GSTM5: variants seen among roughly 807,000 people sequenced by gnomAD.
GSTM5 encodes glutathione S-transferase mu 5.
In GSTM5, 24 loss-of-function variants were observed where a neutral mutation model predicts 29.0. The observed-to-expected ratio is 0.83, with a 90% CI of 0.60 to 1.16. The LOEUF (loss-of-function observed/expected upper bound fraction) is 1.16. GSTM5 is among the 50% of genes most tolerant of loss of function. The pLI, the probability that GSTM5 is intolerant of heterozygous loss-of-function variation, is 0.00. For missense variants in GSTM5, 290 were observed against 263.0 expected (o/e 1.10, Z -0.71); for synonymous variants, 91 against 93.6 (o/e 0.97, Z 0.16).
At chr1:109,715,063 G>A (rs770258231) in intron 6 of GSTM5, 21 bp downstream of exon 6, 2 of 1,614,024 alleles carry the variant, frequency 1.2e-6, no homozygotes, top group South Asian at 2.2e-5. Flanking sequence ...AGTGATATGG[G>A]GAATGAGATC....
chr1:109,713,397 G>A, intron 3 of GSTM5, 87 bp from the exon 4 acceptor site: 1 of 1,567,970 alleles, frequency 6.4e-7, no homozygotes, highest in Non-Finnish European at 8.8e-7. Context: ...AGCAGGCCCT[G>A]GTCTCCTCTC....
At position 109,712,633 on chromosome 1, in the gene GSTM5, C is replaced by T. The variant is rs200602485; in HGVS notation, c.52C>T (p.Arg18Cys). Reference sequence around the variant, plus strand: ...TCTCTCCCAGCTGGCCCACGCCATCCGCTTGCTCCTGGAATACACAGACTC... The same window carrying T: ...TCTCTCCCAGCTGGCCCACGCCATCTGCTTGCTCCTGGAATACACAGACTC... The part of the protein sequence containing the change: ...WDIRGLAHAI[R>C]LLLEYTDSSY... Residue 18 changes from arginine (R) to cysteine (C), a missense_variant, in exon 2 of 8, where the codon CGC becomes TGC. Coordinates refer to ENST00000256593, the MANE Select transcript of GSTM5 (RefSeq NM_000851.4). 2.0e-5 allele frequency: 33 copies of T among 1,614,044 alleles called. No individual in the cohort carries two copies. In the African/African-American group the frequency reaches 2.9e-4, roughly 14 times the overall value.
chr1:109,713,425 A>G (rs949494085), intron 3 of GSTM5, 59 bp from the exon 4 acceptor site: 2 of 1,610,006 alleles, frequency 1.2e-6, no homozygotes, highest in African/African-American at 2.7e-5. Context: ...GCATATGGGA[A>G]GGGGATGCTG....
At chr1:109,713,861 C>T (rs1382112881) in intron 5 of GSTM5, 100 bp downstream of exon 5, 3 of 772,444 alleles carry the variant, frequency 3.9e-6, no homozygotes, top group Non-Finnish European at 4.5e-6. Flanking sequence ...CTCCGGCCAG[C>T]TGACTGGAGA....
At chr1:109,712,479 T>C in intron 1 of GSTM5, 131 bp downstream of exon 1, 1 of 1,234,602 alleles carries the variant, frequency 8.1e-7, no homozygotes, top group Non-Finnish European at 1.2e-6. Flanking sequence ...CATGACGCTG[T>C]GTGTGTGTTT....
chr1:109,716,068 C>T (rs1199416545), intron 7 of GSTM5: 3 of 446,852 alleles, frequency 6.7e-6, no homozygotes, highest in Non-Finnish European at 1.2e-5. Flanking sequence ...AGTGAGAGGC[C>T]TGCAGGCAGA....
In GSTM5 at chr1:109,712,616, A is replaced by G. The variant is rs113627447; in HGVS notation, c.37-2A>G. Reference sequence around the variant, plus strand: ...ACCCGAGCCGCGGGCCATCTCTCCCAGCTGGCCCACGCCATCCGCTTGCTC... The same window carrying G: ...ACCCGAGCCGCGGGCCATCTCTCCCGGCTGGCCCACGCCATCCGCTTGCTC... On this transcript the variant is annotated splice_acceptor_variant, in intron 1 of 7. Transcript: ENST00000256593. LOFTEE classifies it high-confidence loss of function. 4.3e-6 allele frequency: 7 copies of G among 1,613,622 alleles called. No homozygotes were observed. In the African/African-American group the frequency reaches 8.0e-5, roughly 18 times the overall value.
intron 7 of GSTM5, chr1:109,715,835 C>T: frequency 2.2e-6 from 1 of 460,822 alleles, no homozygotes; most frequent in South Asian, 1.7e-5. Context: ...TATGTGGGTG[C>T]CCCTGTTGAA....
In GSTM5 at chr1:109,717,382, C is replaced by T. The variant is rs181150599; in HGVS notation, c.613C>T (p.Arg205Ter). The T allele has an allele frequency of 1.5e-4, 250 of 1,613,986 alleles. No homozygotes were observed. Among genetic ancestry groups the T allele is most frequent in the Middle Eastern group, 1.5e-3 (9 of 6,062 alleles). The change falls in exon 8 of 8, where the codon CGA (arginine) becomes TGA (stop). Residue 205 changes from arginine to a stop codon, truncating the protein, a stop_gained. Transcript: ENST00000256593. LOFTEE classifies it low-confidence loss of function (END_TRUNC). Reference sequence around the variant, plus strand: ...CTACATGAAGTCCAGCCAATTCCTCCGAGGTCTTTTGTTTGGAAAGTCAGC... The same window carrying T: ...CTACATGAAGTCCAGCCAATTCCTCTGAGGTCTTTTGTTTGGAAAGTCAGC... The part of the protein sequence containing the change: ...SAYMKSSQFL[R>*]GLLFGKSATW...
Position 109,715,507 on chromosome 1 carries a change from C to T in GSTM5, c.567+267C>T, listed in dbSNP as rs559531415. On this transcript the variant is annotated intron_variant, in intron 7 of 7. Coordinates refer to ENST00000256593, the MANE Select transcript of GSTM5 (RefSeq NM_000851.4). ...AGTCCTTTGCTCAGGGTCCCAGAGCCAGTGGAGGCTGTGCTGGGCTCCCTG... is the reference window on the plus strand; with the variant it reads ...AGTCCTTTGCTCAGGGTCCCAGAGCTAGTGGAGGCTGTGCTGGGCTCCCTG... 147 of 1,466,032 alleles carry T rather than the reference C, an allele frequency of 1.0e-4. No homozygotes were observed. In the African/African-American group the frequency reaches 1.9e-3, roughly 19 times the overall value. The allele number at this position is 1,466,032 out of a possible 1,614,324, so 90.8% of individuals were successfully genotyped here.
At chr1:109,717,246 GC>G in intron 7 of GSTM5, 90 bp from the exon 8 acceptor site, 1 of 928,068 alleles carries the variant, frequency 1.1e-6, no homozygotes, top group Non-Finnish European at 1.8e-6. Flanking sequence ...AAAGGCTGTG[GC>G]CAGGGCCCTG....
chr1:109,715,772 C>T lies in GSTM5; in HGVS notation c.567+532C>T, dbSNP rs191272658. 5 of 407,506 alleles carry T rather than the reference C, an allele frequency of 1.2e-5. No individual in the cohort carries two copies. In the East Asian group the frequency reaches 1.9e-4, roughly 15 times the overall value. 25.2% of individuals were successfully genotyped at this position (407,506 alleles called of 1,614,324 possible). A position where few individuals can be genotyped will look rare whatever the true frequency, so the allele number is the denominator to read the frequency against. ...CAGAAGCTTTGCATGATCGGACCCC[C>T]ATGTGGAAAATCCTGAGATCCGGAG... On this transcript the variant is annotated intron_variant, in intron 7 of 7. Coordinates refer to ENST00000256593, the MANE Select transcript of GSTM5 (RefSeq NM_000851.4).
chr1:109,712,521 T>C, intron 1 of GSTM5, 97 bp from the exon 2 acceptor site: 1 of 1,437,130 alleles, frequency 7.0e-7, no homozygotes, highest in Non-Finnish European at 9.8e-7. Flanking sequence ...AGGCGACGGG[T>C]ACGTGCAGTA....
intron 3 of GSTM5, 142 bp from the exon 4 acceptor site, chr1:109,713,342 G>A (rs1648630948): frequency 7.2e-7 from 1 of 1,390,028 alleles, no homozygotes; most frequent in Admixed American, 1.7e-5. Context: ...CTGTGTCCCA[G>A]CTCATTTATT....
rs772244239 is a variant in GSTM5 at position 109,712,303 on chromosome 1, A to T, written c.-10A>T. 2 of 1,614,004 alleles carry T rather than the reference A, an allele frequency of 1.2e-6. No individual in the cohort carries two copies. Among genetic ancestry groups the T allele is most frequent in the Admixed American group, 3.3e-5 (2 of 60,020 alleles). Reference sequence around the variant, plus strand: ...GATGCCTGTCTGCAGAATCCGCACCAACCAGCACCATGCCCATGACTCTGG... The same window carrying T: ...GATGCCTGTCTGCAGAATCCGCACCTACCAGCACCATGCCCATGACTCTGG... On this transcript the variant is annotated 5_prime_UTR_variant, in exon 1 of 8. Transcript: ENST00000256593.
chr1:109,713,035 T>C (rs1266246289), intron 2 of GSTM5, 84 bp from the exon 3 acceptor site: 10 of 1,510,318 alleles, frequency 6.6e-6, no homozygotes, highest in Non-Finnish European at 9.2e-6. Flanking sequence ...GTCTCAGGGA[T>C]CTTGCCACTG....
intron 5 of GSTM5, 139 bp from the exon 6 acceptor site, chr1:109,714,808 C>G (rs928383660): frequency 1.3e-6 from 1 of 785,138 alleles, no homozygotes; most frequent in Non-Finnish European, 2.2e-6. Context: ...CAATTGAAGC[C>G]TGGGCACTGC....
At chr1:109,712,926 TG>T in intron 2 of GSTM5, 192 bp from the exon 3 acceptor site, 1 of 867,566 alleles carries the variant, frequency 1.2e-6, no homozygotes, top group Non-Finnish European at 1.9e-6. Context: ...CCCTAAACCC[TG>T]GAAGCCTTAG....
At chr1:109,714,654 G>A in intron 5 of GSTM5, 1 of 461,704 alleles carries the variant, frequency 2.2e-6, no homozygotes, top group Non-Finnish European at 3.9e-6. Context: ...TGGATCCAGA[G>A]GCTGCCAGGT....
Sources: gnomAD v4.1 joint callset for allele counts on GRCh38, gnomAD v4.1.1 for gene constraint, MANE v1.5 for transcripts, NCBI Gene and HGNC (gene_info 2026-07-23, HGNC 2026-07-21) for gene names.